Variants in SPAM1 observed in about 807,000 individuals in gnomAD.
SPAM1 encodes sperm adhesion molecule 1, also known as hyaluronidase PH-20.
In SPAM1, 22 loss-of-function variants were observed where a neutral mutation model predicts 29.6. That is an observed-to-expected ratio of 0.74 (90% confidence interval 0.53 to 1.06). SPAM1 has a LOEUF of 1.06. Ranked by LOEUF, SPAM1 falls within the 50% of genes least tolerant of loss-of-function variation. The pLI is 0.00. For synonymous variants in SPAM1, 194 were observed against 204.6 expected, an observed-to-expected ratio of 0.95 and a Z score of 0.44; for missense variants, 534 against 604.0, an observed-to-expected ratio of 0.88 and a Z score of 1.21.
chr7:123,946,102 A>G (rs1808568443), intron 1 of SPAM1, among the ~76,000 whole-genome samples: 1 of 152,152 alleles, frequency 6.6e-6, no homozygotes, highest in African/African-American at 2.4e-5. Flanking sequence ...GCTCTCTACC[A>G]TCCTAGAAGC....
At chr7:123,926,553 A>T (rs757978018) in intron 1 of SPAM1, among the ~76,000 whole-genome samples, 7 of 152,200 alleles carry the variant, frequency 4.6e-5, no homozygotes, top group Non-Finnish European at 5.9e-5. Flanking sequence ...TGGCCCCGTG[A>T]CACAGCCCTT....
At chr7:123,935,260 T>C (rs1808217027) in intron 1 of SPAM1, among the ~76,000 whole-genome samples, 1 of 152,102 alleles carries the variant, frequency 6.6e-6, no homozygotes, top group African/African-American at 2.4e-5. Flanking sequence ...CACTCTCAAC[T>C]CAAAATAACT....
chr7:123,956,287 G>A (rs1792247004), intron 4 of SPAM1, among the ~76,000 whole-genome samples: 1 of 151,854 alleles, frequency 6.6e-6, no homozygotes, highest in African/African-American at 2.4e-5. Context: ...AGACTCTGTT[G>A]TATATATTTC....
At chr7:123,967,502 T>A (rs886721952) in intron 5 of SPAM1, among the ~76,000 whole-genome samples, 1 of 152,024 alleles carries the variant, frequency 6.6e-6, no homozygotes, top group South Asian at 2.1e-4. Context: ...TCCCTGTGAT[T>A]GTTTTATATA....
chr7:123,970,549 G>T (rs1371621760), intron 6 of SPAM1, among the ~76,000 whole-genome samples: 1 of 151,422 alleles, frequency 6.6e-6, no homozygotes, highest in East Asian at 1.9e-4. Context: ...AAGACCAGGA[G>T]TTTAAGGCCA....
At chr7:123,944,869 T>A (rs1808527075) in intron 1 of SPAM1, among the ~76,000 whole-genome samples, 1 of 152,174 alleles carries the variant, frequency 6.6e-6, no homozygotes, top group Admixed American at 6.6e-5. Flanking sequence ...AAAAAAATTA[T>A]AAAGTCCTGT....
rs763369533 is a variant in SPAM1, at chr7:123,953,852, T to C, written c.282T>C (p.Asp94=). 3.1e-6 allele frequency: 5 copies of C among 1,613,718 alleles called. No homozygotes were observed. Among genetic ancestry groups the C allele is most frequent in the Non-Finnish European group, 4.2e-6 (5 of 1,179,790 alleles). The change falls in exon 3 of 5, where the codon GAT becomes GAC. Residue 94 remains aspartate, a synonymous_variant. Transcript: ENST00000682466. ...AAGGTGTTACAATATTTTATGTTGA[T>C]AGACTTGGCTACTATCCTTACATAG... ...TGQGVTIFYV[D]RLGYYPYIDS...
chr7:123,945,657 G>A (rs1205620386), intron 1 of SPAM1, among the ~76,000 whole-genome samples: 2 of 152,188 alleles, frequency 1.3e-5, no homozygotes, highest in Admixed American at 6.5e-5. Context: ...GAGTTCTTTA[G>A]GGGGTTTGAG....
At chr7:123,960,633 C>G (rs1792346383), downstream of SPAM1, among the ~76,000 whole-genome samples, 1 of 151,832 alleles carries the variant, frequency 6.6e-6, no homozygotes, top group Non-Finnish European at 1.5e-5. Context: ...AATTCCTTAC[C>G]TAGTCTGACC....
chr7:123,944,109 A>AT (rs1304573234), intron 1 of SPAM1, among the ~76,000 whole-genome samples: 3 of 151,956 alleles, frequency 2.0e-5, no homozygotes, highest in Non-Finnish European at 2.9e-5. Flanking sequence ...AACTGAACTT[A>AT]TTTTTTCTCA....
chr7:123,931,506 TC>T (rs1306282725), intron 1 of SPAM1, among the ~76,000 whole-genome samples: 1 of 152,182 alleles, frequency 6.6e-6, no homozygotes, highest in African/African-American at 2.4e-5. Context: ...TGGATTTCTT[TC>T]CCTCAGGCTA....
In SPAM1 at chr7:123,954,005, T is replaced by A; in HGVS notation, c.435T>A (p.Ile145=). The A allele has an allele frequency of 6.2e-7, 1 of 1,613,704 alleles. No homozygotes were observed. The highest frequency in any genetic ancestry group is 8.5e-7 in the Non-Finnish European group (1 of 1,179,798). ...MPVDNLGMAV[I]DWEEWRPTWA... ...TAGACAATTTGGGAATGGCTGTTAT[T>A]GACTGGGAAGAATGGAGACCCACTT... is the stretch of plus-strand genomic sequence containing the variant. The change falls in exon 3 of 5, where the codon ATT becomes ATA. Residue 145 remains isoleucine (I), a synonymous_variant. Transcript: ENST00000682466.
downstream of SPAM1, among the ~76,000 whole-genome samples, chr7:123,963,897 C>A (rs1792390504): frequency 6.6e-6 from 1 of 151,870 alleles, no homozygotes; most frequent in Non-Finnish European, 1.5e-5. Flanking sequence ...TTAGCTAGTA[C>A]AGTGCTTGTT....
rs1045400354 is a variant in SPAM1 at position 123,953,298 on chromosome 7, C to A, written c.-206-67C>A. 11 of 318,930 alleles carry A rather than the reference C, an allele frequency of 3.4e-5. No homozygotes were observed. In the Admixed American group the frequency reaches 5.3e-4, roughly 15 times the overall value. The allele number at this position is 318,930 out of a possible 1,614,324, so 19.8% of individuals were successfully genotyped here. On this transcript the variant is annotated intron_variant, in intron 2 of 4. Transcript: ENST00000682466. ...AACCCCCTGCACTTAAAGTTGAGAA[C>A]TTGGTGAAGCTTACATTCTTTATTA...
chr7:123,936,774 C>T (rs1808254540), intron 1 of SPAM1, among the ~76,000 whole-genome samples: 1 of 152,180 alleles, frequency 6.6e-6, no homozygotes. Flanking sequence ...TGACTGAATT[C>T]TGCTGCAGAA....
In SPAM1 at chr7:123,949,985, T is replaced by A. The variant is rs1413230438; in HGVS notation, c.-207+2T>A. 1 of 152,058 alleles carries A rather than the reference T, an allele frequency of 6.6e-6. No homozygotes were observed. Among genetic ancestry groups the A allele is most frequent in the Non-Finnish European group, 1.5e-5 (1 of 67,996 alleles). 9.4% of individuals were successfully genotyped at this position (152,058 alleles called of 1,614,324 possible). ...TGGATTTTGAAAGCAGACTTCTGGG[T>A]AAGTGTCATTGTTTGGGTTTGGGGG... On this transcript the variant is annotated splice_donor_variant, in intron 2 of 4. Coordinates refer to ENST00000682466, the MANE Select transcript of SPAM1 (RefSeq NM_153189.3). LOFTEE classifies it low-confidence loss of function (5UTR_SPLICE).
At chr7:123,946,586 T>C (rs1808582465) in intron 1 of SPAM1, among the ~76,000 whole-genome samples, 1 of 152,190 alleles carries the variant, frequency 6.6e-6, no homozygotes, top group South Asian at 2.1e-4. Flanking sequence ...AGCTTGCTTT[T>C]ATGCATTTGA....
intron 6 of SPAM1, chr7:123,970,349 C>T: frequency 7.3e-7 from 1 of 1,365,790 alleles, no homozygotes; most frequent in Non-Finnish European, 1.0e-6. Flanking sequence ...GACCTTGTTT[C>T]TTCCCCTTAT....
intron 1 of SPAM1, among the ~76,000 whole-genome samples, chr7:123,937,340 G>A (rs373679943): frequency 5.1e-4 from 78 of 152,244 alleles, no homozygotes; most frequent in African/African-American, 9.4e-4. Flanking sequence ...GGTGGCTCAC[G>A]CCTGTAATCC....
Sources: allele counts gnomAD v4.1 joint callset (sites outside exome capture counted in the v4.1 genomes callset), GRCh38; gene constraint gnomAD v4.1.1; transcripts MANE v1.5; gene names NCBI Gene and HGNC (gene_info 2026-07-23, HGNC 2026-07-21).